Variants in PXDNL observed in about 807,000 individuals in gnomAD.
The protein encoded by PXDNL is peroxidasin like, also known as probable oxidoreductase PXDNL.
In PXDNL, 145 loss-of-function variants were observed where a neutral mutation model predicts 150.8. That is an observed-to-expected ratio of 0.96 (90% CI 0.84 to 1.10). The LOEUF (loss-of-function observed/expected upper bound fraction) is 1.10, where lower values mean the gene tolerates loss of function less well. Ranked by LOEUF, PXDNL falls within the 50% of genes least tolerant of loss-of-function variation. The probability of loss-of-function intolerance (pLI) is 0.00; values close to 1 mark genes in which losing one functional copy is unlikely to be tolerated. For missense variants in PXDNL, 2,087 were observed against 1,873.9 expected (o/e 1.11, Z -2.10); for synonymous variants, 757 against 725.7 (o/e 1.04, Z -0.69).
chr8:51,506,540 CAAAAAAAAAAAA>C (rs11312240), intron 4 of PXDNL, among the ~76,000 whole-genome samples: 2 of 67,492 alleles, frequency 3.0e-5, no homozygotes, highest in Admixed American at 2.6e-4. Context: ...GACTCTGTCT[CAAAAAAAAAAAA>C]AAAAAAAAAA....
At chr8:51,535,640 G>A (rs970519163) in intron 4 of PXDNL, among the ~76,000 whole-genome samples, 29 of 139,860 alleles carry the variant, frequency 2.1e-4, no homozygotes, top group African/African-American at 6.3e-4. Context: ...TTGTTTATCT[G>A]CTGACCTTCC....
At chr8:51,456,889 C>T (rs142400731) in intron 9 of PXDNL, among the ~76,000 whole-genome samples, 6 of 152,310 alleles carry the variant, frequency 3.9e-5, no homozygotes, top group African/African-American at 1.2e-4. Flanking sequence ...TGCTTCTCTC[C>T]CTCTCCTTAC....
intron 17 of PXDNL, among the ~76,000 whole-genome samples, chr8:51,392,298 G>A (rs1451942764): frequency 6.6e-6 from 1 of 152,096 alleles, no homozygotes; most frequent in Non-Finnish European, 1.5e-5. Context: ...AGCTTGATGG[G>A]GATGGCGTTG....
intron 4 of PXDNL, among the ~76,000 whole-genome samples, chr8:51,533,072 ATAC>A (rs1393301543): frequency 6.6e-6 from 1 of 152,258 alleles, no homozygotes; most frequent in Non-Finnish European, 1.5e-5. Context: ...ACATGGCCCC[ATAC>A]TACAACTTCT....
At chr8:51,377,371 G>A (rs538510404) in intron 17 of PXDNL, among the ~76,000 whole-genome samples, 29 of 152,210 alleles carry the variant, frequency 1.9e-4, no homozygotes, top group Admixed American at 1.3e-3. Flanking sequence ...GCCCTCACTC[G>A]CTGTCGCGGC....
intron 12 of PXDNL, among the ~76,000 whole-genome samples, chr8:51,441,761 GT>G (rs1809555510): frequency 1.3e-5 from 2 of 152,148 alleles, no homozygotes; most frequent in Non-Finnish European, 2.9e-5. Flanking sequence ...TAAATGCCCT[GT>G]AGGACTGTCC....
At chr8:51,325,091 C>A (rs982297950) in intron 21 of PXDNL, among the ~76,000 whole-genome samples, 3 of 152,054 alleles carry the variant, frequency 2.0e-5, no homozygotes, top group African/African-American at 7.2e-5. Context: ...ATCTCAAACT[C>A]CTGACCTTGT....
chr8:51,799,848 C>A (rs1470058668), intron 1 of PXDNL, among the ~76,000 whole-genome samples: 3 of 152,122 alleles, frequency 2.0e-5, no homozygotes, highest in Non-Finnish European at 4.4e-5. Flanking sequence ...AAGTTTCTCC[C>A]TACCCATGCC....
At chr8:51,665,923 C>A (rs950310504) in intron 1 of PXDNL, among the ~76,000 whole-genome samples, 1 of 152,178 alleles carries the variant, frequency 6.6e-6, no homozygotes, top group Non-Finnish European at 1.5e-5. Context: ...GAACTGTCAA[C>A]TATGCGATGT....
At chr8:51,437,866 A>C (rs1809443606) in intron 12 of PXDNL, among the ~76,000 whole-genome samples, 1 of 152,180 alleles carries the variant, frequency 6.6e-6, no homozygotes, top group Non-Finnish European at 1.5e-5. Flanking sequence ...GAGGAAATCA[A>C]ACTCACTGTT....
At chr8:51,447,822 G>T (rs57605214) in intron 11 of PXDNL, among the ~76,000 whole-genome samples, 1 of 152,088 alleles carries the variant, frequency 6.6e-6, no homozygotes, top group Non-Finnish European at 1.5e-5. Flanking sequence ...CCTATTGAGC[G>T]TACACACACT....
chr8:51,685,979 G>C (rs1390780024), intron 1 of PXDNL, among the ~76,000 whole-genome samples: 1 of 152,186 alleles, frequency 6.6e-6, no homozygotes, highest in African/African-American at 2.4e-5. Flanking sequence ...CATCGATTTA[G>C]ATATTCAAAT....
intron 5 of PXDNL, among the ~76,000 whole-genome samples, chr8:51,488,566 T>G (rs1810819492): frequency 6.6e-6 from 1 of 152,198 alleles, no homozygotes; most frequent in South Asian, 2.1e-4. Context: ...AGTAACGGAA[T>G]TTTTGTGGAG....
chr8:51,663,003 A>G lies in PXDNL; in HGVS notation c.165-8243T>C, dbSNP rs545378744. 2.0e-5 allele frequency among the ~76,000 whole-genome samples: 3 copies of G among 152,310 alleles called. No individual in the cohort carries two copies. The South Asian group carries it at 6.2e-4, about 32-fold the overall frequency. On this transcript the variant is annotated intron_variant, in intron 1 of 22. Transcript: ENST00000356297. Reference sequence around the variant, plus strand: ...ATTGGCCCAGCCTTTGGCTTTACCTAAGAGAAAGCCAAAAGGGAAGTGGAG... The same window carrying G: ...ATTGGCCCAGCCTTTGGCTTTACCTGAGAGAAAGCCAAAAGGGAAGTGGAG...
intron 19 of PXDNL, among the ~76,000 whole-genome samples, chr8:51,359,203 G>A (rs3097704): frequency 0.68 from 102,649 of 151,972 alleles, 36,419 homozygotes; most frequent in East Asian, 0.94. Context: ...ATCAGAGAGA[G>A]GAGCCACTTT....
chr8:51,392,237 C>T (rs1430218325), intron 17 of PXDNL, among the ~76,000 whole-genome samples: 2 of 152,236 alleles, frequency 1.3e-5, no homozygotes, highest in Admixed American at 1.3e-4. Flanking sequence ...TTTTTGGTTC[C>T]ATATGAACTT....
chr8:51,800,809 G>A (rs1394834406), intron 1 of PXDNL, among the ~76,000 whole-genome samples: 1 of 152,004 alleles, frequency 6.6e-6, no homozygotes, highest in African/African-American at 2.4e-5. Context: ...TCTTAATCCT[G>A]TTATCTTTGT....
chr8:51,683,767 A>G (rs1014776991), intron 1 of PXDNL, among the ~76,000 whole-genome samples: 14 of 152,342 alleles, frequency 9.2e-5, no homozygotes, highest in Non-Finnish European at 1.3e-4. Flanking sequence ...TAGCAGGACT[A>G]TAAGAAAAGA....
At chr8:51,521,914 C>CA (rs1292472970) in intron 4 of PXDNL, among the ~76,000 whole-genome samples, 4 of 152,186 alleles carry the variant, frequency 2.6e-5, no homozygotes, top group African/African-American at 9.6e-5. Context: ...ATTCTACACC[C>CA]AGTGAAGTTG....
Sources: allele counts gnomAD v4.1 joint callset (sites outside exome capture counted in the v4.1 genomes callset), GRCh38; gene constraint gnomAD v4.1.1; transcripts MANE v1.5; gene names NCBI Gene and HGNC (gene_info 2026-07-23, HGNC 2026-07-21).